Variants in MAP2K5 observed in about 807,000 individuals in gnomAD.
The protein encoded by MAP2K5 is dual specificity mitogen-activated protein kinase kinase 5.
A neutral mutation model predicts 83.1 loss-of-function variants in MAP2K5; 49 were observed. The ratio of observed to expected loss-of-function variants is 0.59; its 90% CI spans 0.47 to 0.75. MAP2K5 has a LOEUF of 0.75. MAP2K5 is among the 30% of genes least tolerant of loss of function. The pLI is 0.00. For missense variants in MAP2K5, 457 were observed against 557.5 expected (o/e 0.82, Z 1.82); for synonymous variants, 202 against 191.8 (o/e 1.05, Z -0.44).
rs565756093 is a variant in MAP2K5 at position 67,654,835 on chromosome 15, C to T, written c.737-3718C>T. Among the ~76,000 whole-genome samples, 12 of 152,044 alleles carry T rather than the reference C, an allele frequency of 7.9e-5. No individual in the cohort carries two copies. The South Asian group carries it at 8.3e-4, about 11-fold the overall frequency. ...CAGCACTTTGGGAGGCCGAGGTGCG[C>T]GGATCACCTGAGGTCAGGAGTTCAA... On this transcript the variant is annotated intron_variant, in intron 11 of 21. Coordinates refer to ENST00000178640, the MANE Select transcript of MAP2K5 (RefSeq NM_145160.3).
At chr15:67,716,457 T>C (rs1469378938) in intron 16 of MAP2K5, among the ~76,000 whole-genome samples, 3 of 152,234 alleles carry the variant, frequency 2.0e-5, no homozygotes, top group Non-Finnish European at 2.9e-5. Flanking sequence ...TGGTGACATG[T>C]CTCAACACTA....
rs995742606 is a variant in MAP2K5 at position 67,717,543 on chromosome 15, A to G, written c.1045-10373A>G. Among the ~76,000 whole-genome samples the G allele has an allele frequency of 6.6e-6, 1 of 152,232 alleles. No individual in the cohort carries two copies. Among genetic ancestry groups the G allele is most frequent in the Non-Finnish European group, 1.5e-5 (1 of 68,042 alleles). On this transcript the variant is annotated intron_variant, in intron 16 of 21. Transcript: ENST00000178640. The surrounding 1 kb of genome is among the most constrained non-coding windows in gnomAD (Gnocchi z 4.1). ...ACATGAGTGTCAGAGAAAGCATTTC[A>G]GTTATTGATTACTGCTTAATAACCT...
At chr15:67,731,828 A>T (rs2089230449) in intron 17 of MAP2K5, among the ~76,000 whole-genome samples, 1 of 152,026 alleles carries the variant, frequency 6.6e-6, no homozygotes, top group Admixed American at 6.6e-5. Flanking sequence ...TCTCCTTTCC[A>T]CTCTGCCCCA....
At chr15:67,567,346 C>T (rs1234167249) in intron 3 of MAP2K5, among the ~76,000 whole-genome samples, 1 of 151,116 alleles carries the variant, frequency 6.6e-6, no homozygotes, top group Admixed American at 6.6e-5. Flanking sequence ...TTTTTAATTC[C>T]TCCATAAAGT....
chr15:67,616,611 A>G (rs1366867491), intron 8 of MAP2K5, among the ~76,000 whole-genome samples: 3 of 152,210 alleles, frequency 2.0e-5, no homozygotes, highest in South Asian at 2.1e-4. Flanking sequence ...TATCTCTGCA[A>G]TGAGCTAATA....
intron 1 of MAP2K5, chr15:67,549,259 T>G: frequency 7.0e-7 from 1 of 1,426,492 alleles, no homozygotes; most frequent in Admixed American, 2.0e-5. Context: ...CTAATTTTCA[T>G]GTGTTTTCAA....
chr15:67,777,712 T>C lies in MAP2K5; in HGVS notation c.1242+4960T>C, dbSNP rs1483156942. On this transcript the variant is annotated intron_variant, in intron 21 of 21. Transcript: ENST00000178640. This position sits in a 1 kb window ranked among gnomAD's most constrained non-coding sequence, Gnocchi z 6.0. ...CAAGCTGGCGAAGAAATTTTCTTTA[T>C]GCTGTTACTATACTGCTTTAGTAAT... is the stretch of plus-strand genomic sequence containing the variant. Among the ~76,000 whole-genome samples the C allele has an allele frequency of 6.6e-6, 1 of 152,244 alleles. No individual in the cohort carries two copies. Among genetic ancestry groups the C allele is most frequent in the Admixed American group, 6.5e-5 (1 of 15,284 alleles).
intron 8 of MAP2K5, among the ~76,000 whole-genome samples, chr15:67,625,217 C>T (rs1596672735): frequency 6.6e-6 from 1 of 152,190 alleles, no homozygotes; most frequent in African/African-American, 2.4e-5. Context: ...AGAAAGTATT[C>T]GCTTGCACTG....
At chr15:67,784,035 T>A (rs919205727) in intron 21 of MAP2K5, among the ~76,000 whole-genome samples, 2 of 152,226 alleles carry the variant, frequency 1.3e-5, no homozygotes, top group African/African-American at 4.8e-5. Flanking sequence ...TGTTTTATAA[T>A]CTTTAAAAAA....
chr15:67,691,032 T>G (rs993149261), intron 13 of MAP2K5, among the ~76,000 whole-genome samples: 2 of 152,290 alleles, frequency 1.3e-5, no homozygotes, highest in African/African-American at 4.8e-5. Flanking sequence ...AGCCTCCCAA[T>G]AGAGGTTATA....
rs1046630496 is a variant in MAP2K5, at chr15:67,790,730, CAAA to C, written c.1243-15905_1243-15903del. On this transcript the variant is annotated intron_variant, in intron 21 of 21. Transcript: ENST00000178640. The surrounding 1 kb of genome is among the most constrained non-coding windows in gnomAD (Gnocchi z 4.6). Reference sequence around the variant, plus strand: ...AGCCAGTCACATAAAAACAAACAAACAAAAAAAAAAAAACCTGTGTCCTAATGT... The same window carrying C: ...AGCCAGTCACATAAAAACAAACAAACAAAAAAAAAACCTGTGTCCTAATGT... Among the ~76,000 whole-genome samples the C allele has an allele frequency of 1.1e-4, 16 of 139,982 alleles. No homozygotes were observed. The South Asian group carries it at 3.1e-3, about 27-fold the overall frequency. 91.8% of individuals were successfully genotyped at this position (139,982 alleles called of 152,430 possible).
chr15:67,756,433 A>G (rs2089835234), intron 19 of MAP2K5, among the ~76,000 whole-genome samples: 1 of 152,090 alleles, frequency 6.6e-6, no homozygotes, highest in South Asian at 2.1e-4. Flanking sequence ...TATAAGGTGT[A>G]CAATGTGATG....
intron 21 of MAP2K5, among the ~76,000 whole-genome samples, chr15:67,797,263 G>A (rs1052460017): frequency 2.0e-5 from 3 of 152,166 alleles, no homozygotes; most frequent in Admixed American, 2.0e-4. Flanking sequence ...GTTACTGCTT[G>A]TTCAGATTTA....
Position 67,744,021 on chromosome 15 carries a change from A to G in MAP2K5, c.1075-4210A>G, listed in dbSNP as rs376911924. 1.5e-3 allele frequency among the ~76,000 whole-genome samples: 234 copies of G among 152,340 alleles called. 1 individual carries two copies. Among genetic ancestry groups the G allele is most frequent in the African/African-American group, 5.2e-3 (218 of 41,584 alleles). ...GTCAGGGTCAGGCCAGGCACTATCT[A>G]TGACTTTGAGCGCTGCTCCCCTCTG... On this transcript the variant is annotated intron_variant, in intron 17 of 21. Coordinates refer to ENST00000178640, the MANE Select transcript of MAP2K5 (RefSeq NM_145160.3).
At position 67,770,445 on chromosome 15, in the gene MAP2K5, A is replaced by AG. The variant is rs1163119744; in HGVS notation, c.1196+783dup. 1.3e-5 allele frequency among the ~76,000 whole-genome samples: 2 copies of AG among 152,204 alleles called. No homozygotes were observed. On this transcript the variant is annotated intron_variant, in intron 20 of 21. Coordinates refer to ENST00000178640, the MANE Select transcript of MAP2K5 (RefSeq NM_145160.3). The surrounding 1 kb of genome is among the most constrained non-coding windows in gnomAD (Gnocchi z 5.0). ...TCTGCCCTCTCCCTCACTCCAGCAC[A>AG]GAGAATTACCTAGGAGAGAGGAGGA...
rs913556316 is a variant in MAP2K5 at position 67,746,274 on chromosome 15, G to A, written c.1075-1957G>A. Reference sequence around the variant, plus strand: ...CATTTCAAAACCTCTCACTTAGAATGTTTGCTGCATGTTCTCCTCAGAGAA... The same window carrying A: ...CATTTCAAAACCTCTCACTTAGAATATTTGCTGCATGTTCTCCTCAGAGAA... On this transcript the variant is annotated intron_variant, in intron 17 of 21. Transcript: ENST00000178640. This position sits in a 1 kb window ranked among gnomAD's most constrained non-coding sequence, Gnocchi z 4.1. 1.3e-5 allele frequency among the ~76,000 whole-genome samples: 2 copies of A among 152,100 alleles called. No homozygotes were observed. The highest frequency in any genetic ancestry group is 4.8e-5 in the African/African-American group (2 of 41,430).
chr15:67,734,511 CA>C (rs994426119), intron 17 of MAP2K5, among the ~76,000 whole-genome samples: 124 of 152,210 alleles, frequency 8.1e-4, no homozygotes, highest in Non-Finnish European at 1.5e-4. Context: ...GAGCACTTTT[CA>C]AATGCTAATG....
At chr15:67,727,773 G>A in intron 16 of MAP2K5, 143 bp from the exon 17 acceptor site, 1 of 735,898 alleles carries the variant, frequency 1.4e-6, no homozygotes. Flanking sequence ...TGTAATTACA[G>A]CAATAATTTA....
At chr15:67,599,757 A>T (rs1330443005) in intron 7 of MAP2K5, among the ~76,000 whole-genome samples, 1 of 151,076 alleles carries the variant, frequency 6.6e-6, no homozygotes, top group Non-Finnish European at 1.5e-5. Flanking sequence ...ACCTTTATTA[A>T]ATCCACTTAG....
Sources: gnomAD v4.1 joint callset for allele counts (sites outside exome capture counted in the v4.1 genomes callset) on GRCh38, gnomAD v4.1.1 for gene constraint, Gnocchi (gnomAD v3.1) non-coding constraint, MANE v1.5 for transcripts, NCBI Gene and HGNC (gene_info 2026-07-23, HGNC 2026-07-21) for gene names.